ADCY9: variants seen among roughly 807,000 people sequenced by gnomAD.
ADCY9 encodes adenylate cyclase 9.
ADCY9 carries 50 observed loss-of-function variants against 101.5 expected under a neutral mutation model. The observed-to-expected ratio is 0.49, with a 90% CI of 0.39 to 0.62. The LOEUF is 0.62. Among genes scored for constraint, ADCY9 ranks in the 20% least tolerant of loss-of-function variants. The pLI is 0.00. For missense variants in ADCY9, 1,662 were observed against 1,800.4 expected (o/e 0.92, Z 1.39); for synonymous variants, 905 against 769.3 (o/e 1.18, Z -2.92).
intron 7 of ADCY9, 78 bp from the exon 8 acceptor site, chr16:3,979,353 AG>A: frequency 1.3e-6 from 2 of 1,525,496 alleles, no homozygotes; most frequent in Non-Finnish European, 1.8e-6. Context: ...GCGAGGCCGC[AG>A]CCAGCGCCGC....
intron 10 of ADCY9, among the ~76,000 whole-genome samples, chr16:3,972,575 A>G (rs1022201601): frequency 1.3e-5 from 2 of 152,220 alleles, no homozygotes; most frequent in African/African-American, 2.4e-5. Flanking sequence ...GAGTTAATTT[A>G]TAAGTCATAA....
chr16:3,995,032 C>T (rs961714757), intron 3 of ADCY9, among the ~76,000 whole-genome samples: 1 of 152,194 alleles, frequency 6.6e-6, no homozygotes, highest in Non-Finnish European at 1.5e-5. Context: ...TTCTCATAAA[C>T]TAGGATTCAA....
Position 4,016,444 on chromosome 16 carries a change from C to T in ADCY9, c.1694-8886G>A, listed in dbSNP as rs556513374. On this transcript the variant is annotated intron_variant, in intron 2 of 10. Coordinates refer to ENST00000294016, the MANE Select transcript of ADCY9 (RefSeq NM_001116.4). ...AGACGGGAGGGAGGGGGATAGGTCA[C>T]GTCGGCAGAGGGAGGGGGTCAGGTC... Among the ~76,000 whole-genome samples the T allele has an allele frequency of 1.5e-3, 231 of 152,088 alleles. 2 individuals carry two copies. Among genetic ancestry groups the T allele is most frequent in the African/African-American group, 5.4e-3 (224 of 41,478 alleles).
At chr16:4,097,168 C>T (rs2057008803) in intron 2 of ADCY9, among the ~76,000 whole-genome samples, 2 of 152,108 alleles carry the variant, frequency 1.3e-5, no homozygotes, top group South Asian at 2.1e-4. Flanking sequence ...GTGTTTCTGC[C>T]CTGCGCCCCA....
chr16:4,111,157 A>G (rs1479507793), intron 2 of ADCY9, among the ~76,000 whole-genome samples: 4 of 152,236 alleles, frequency 2.6e-5, no homozygotes, highest in Non-Finnish European at 4.4e-5. Context: ...GGCTAGTTCT[A>G]GAAGCCCCTT....
intron 2 of ADCY9, among the ~76,000 whole-genome samples, chr16:4,020,825 CAA>C (rs34374759): frequency 2.9e-5 from 4 of 138,602 alleles, no homozygotes; most frequent in African/African-American, 5.4e-5. Flanking sequence ...GACTCCGTCT[CAA>C]AAAAAAAAAA....
exon 6 of ADCY9, chr16:3,953,491 C>T (rs2141660085): frequency 6.6e-6 from 1 of 152,292 alleles, no homozygotes; most frequent in South Asian, 2.1e-4. Context: ...AACTTGGAGT[C>T]TCCCTCTCCA....
At chr16:4,002,343 G>C (rs1388563448) in intron 3 of ADCY9, among the ~76,000 whole-genome samples, 1 of 152,050 alleles carries the variant, frequency 6.6e-6, no homozygotes, top group Admixed American at 6.6e-5. Context: ...ATAATGACTT[G>C]ACACATAGAA....
At chr16:4,100,278 T>C (rs1190713775) in intron 2 of ADCY9, among the ~76,000 whole-genome samples, 2 of 152,120 alleles carry the variant, frequency 1.3e-5, no homozygotes, top group African/African-American at 4.8e-5. Context: ...TGCAGAACTG[T>C]GCCAATTAAA....
chr16:4,048,892 G>A (rs2056683111), intron 2 of ADCY9, among the ~76,000 whole-genome samples: 2 of 152,066 alleles, frequency 1.3e-5, no homozygotes, highest in South Asian at 4.1e-4. Context: ...AGCCAGGAAT[G>A]TCCCCATCAA....
intron 2 of ADCY9, among the ~76,000 whole-genome samples, chr16:4,037,355 C>A (rs1295698418): frequency 1.3e-5 from 2 of 152,184 alleles, no homozygotes; most frequent in Non-Finnish European, 2.9e-5. Flanking sequence ...ATAATAATGA[C>A]CTTCAGTTCC....
intron 5 of ADCY9, among the ~76,000 whole-genome samples, chr16:3,991,745 A>G (rs2056245308): frequency 7.3e-6 from 1 of 136,284 alleles, no homozygotes; most frequent in African/African-American, 2.7e-5. Context: ...TGGGCAACAC[A>G]GCAAGACCTA....
chr16:3,976,890 T>G (rs1394791769), intron 9 of ADCY9, among the ~76,000 whole-genome samples: 1 of 152,216 alleles, frequency 6.6e-6, no homozygotes, highest in Admixed American at 6.5e-5. Flanking sequence ...ACTCCTGACC[T>G]CAGGTGATCT....
At chr16:4,082,614 G>A (rs370299159) in intron 2 of ADCY9, among the ~76,000 whole-genome samples, 5 of 149,676 alleles carry the variant, frequency 3.3e-5, no homozygotes, top group South Asian at 2.1e-4. Context: ...ATGCAAGCAC[G>A]CACACACACA....
chr16:3,957,355 C>A (rs1644532909), intron 5 of ADCY9, among the ~76,000 whole-genome samples: 2 of 152,240 alleles, frequency 1.3e-5, no homozygotes, highest in African/African-American at 4.8e-5. Flanking sequence ...AGCAGACTAT[C>A]TTCCAGGTAG....
At chr16:4,043,534 C>T (rs1225898532) in intron 2 of ADCY9, among the ~76,000 whole-genome samples, 2 of 151,444 alleles carry the variant, frequency 1.3e-5, no homozygotes, top group Non-Finnish European at 2.9e-5. Context: ...ATTAGCCAGG[C>T]ATGGTGGCAC....
At chr16:4,005,733 C>T (rs897623659) in intron 3 of ADCY9, among the ~76,000 whole-genome samples, 7 of 152,184 alleles carry the variant, frequency 4.6e-5, no homozygotes, top group Non-Finnish European at 7.3e-5. Flanking sequence ...GTGAACTCTG[C>T]GACCGCATCC....
At chr16:4,001,319 G>T (rs113939463) in intron 3 of ADCY9, among the ~76,000 whole-genome samples, 40 of 152,272 alleles carry the variant, frequency 2.6e-4, no homozygotes, top group African/African-American at 9.4e-4. Context: ...TGCGTTTGAA[G>T]TCCCGGCCAG....
At chr16:4,027,707 T>C (rs1342913863) in intron 2 of ADCY9, among the ~76,000 whole-genome samples, 1 of 151,934 alleles carries the variant, frequency 6.6e-6, no homozygotes, top group Non-Finnish European at 1.5e-5. Flanking sequence ...TGAAACCCCA[T>C]CTCTACTAGT....
Sources: allele counts gnomAD v4.1 joint callset (sites outside exome capture counted in the v4.1 genomes callset), GRCh38; gene constraint gnomAD v4.1.1; transcripts MANE v1.5; gene names NCBI Gene and HGNC (gene_info 2026-07-23, HGNC 2026-07-21).